TYW1B: variants seen among roughly 807,000 people sequenced by gnomAD.
TYW1B encodes S-adenosyl-L-methionine-dependent tRNA 4-demethylwyosine synthase TYW1B.
Under a neutral mutation model 86.9 loss-of-function variants are expected in TYW1B, and 73 were observed. The ratio of observed to expected loss-of-function variants is 0.84; its 90% CI spans 0.70 to 1.02. TYW1B has a LOEUF of 1.02. Among genes scored for constraint, TYW1B ranks in the 50% least tolerant of loss-of-function variants. The probability of loss-of-function intolerance (pLI) is 0.00; values close to 1 mark genes in which losing one functional copy is unlikely to be tolerated. For missense variants in TYW1B, 637 were observed against 827.4 expected (o/e 0.77, Z 2.82); for synonymous variants, 248 against 292.8 (o/e 0.85, Z 1.56).
At chr7:72,589,464 G>GA (rs1554431037) in intron 13 of TYW1B, among the ~76,000 whole-genome samples, 1 of 152,188 alleles carries the variant, frequency 6.6e-6, no homozygotes, top group African/African-American at 2.4e-5. Flanking sequence ...GTTTTGGGGA[G>GA]AAAAAAGAAG....
At chr7:72,661,430 G>C (rs1202919263) in intron 11 of TYW1B, among the ~76,000 whole-genome samples, 1 of 151,282 alleles carries the variant, frequency 6.6e-6, no homozygotes, top group East Asian at 1.9e-4. Flanking sequence ...GACAAGGCCT[G>C]TATTTACTAT....
intron 6 of TYW1B, among the ~76,000 whole-genome samples, chr7:72,780,723 A>G (rs1788037258): frequency 6.6e-6 from 1 of 152,216 alleles, no homozygotes; most frequent in Non-Finnish European, 1.5e-5. Flanking sequence ...TTGAGCACTC[A>G]GGACAAACAA....
chr7:72,781,841 C>T (rs1289353573), intron 6 of TYW1B, among the ~76,000 whole-genome samples: 25 of 152,186 alleles, frequency 1.6e-4, no homozygotes, highest in Admixed American at 1.6e-3. Flanking sequence ...ACAGGAAAGT[C>T]AATTATGAGC....
chr7:72,635,787 G>A (rs1474861444), intron 11 of TYW1B, among the ~76,000 whole-genome samples: 1 of 152,202 alleles, frequency 6.6e-6, no homozygotes, highest in Non-Finnish European at 1.5e-5. Flanking sequence ...TTTTAAAAAT[G>A]TATTTTAACT....
intron 2 of TYW1B, among the ~76,000 whole-genome samples, chr7:72,819,855 T>C (rs1788795003): frequency 6.6e-6 from 1 of 152,124 alleles, no homozygotes; most frequent in African/African-American, 2.4e-5. Context: ...GAAAAAATGT[T>C]AAAGGCAACT....
intron 11 of TYW1B, among the ~76,000 whole-genome samples, chr7:72,683,349 C>T (rs1426505515): frequency 6.6e-6 from 1 of 152,162 alleles, no homozygotes; most frequent in Non-Finnish European, 1.5e-5. Context: ...GCAAGTGGAT[C>T]ATTTGAGGTT....
At chr7:72,601,914 G>C (rs1811676638) in intron 13 of TYW1B, among the ~76,000 whole-genome samples, 1 of 152,180 alleles carries the variant, frequency 6.6e-6, no homozygotes, top group Non-Finnish European at 1.5e-5. Context: ...GGGACGAAAA[G>C]AGGAAGTGCA....
intron 13 of TYW1B, among the ~76,000 whole-genome samples, chr7:72,598,597 A>T (rs1314192183): frequency 5.9e-5 from 9 of 152,244 alleles, no homozygotes; most frequent in Admixed American, 5.9e-4. Flanking sequence ...TGGAAGAAAC[A>T]TGAAGAAAAA....
intron 10 of TYW1B, among the ~76,000 whole-genome samples, chr7:72,700,419 T>G (rs1456412068): frequency 6.6e-6 from 1 of 152,126 alleles, no homozygotes; most frequent in Non-Finnish European, 1.5e-5. Flanking sequence ...GTGATCCACC[T>G]GCCTCAGCCT....
chr7:72,709,783 C>T (rs1371104368), intron 10 of TYW1B, among the ~76,000 whole-genome samples: 1 of 152,190 alleles, frequency 6.6e-6, no homozygotes, highest in Admixed American at 6.5e-5. Context: ...TTTTCAGGAT[C>T]GGAGAAATTT....
In TYW1B at chr7:72,810,612, T is replaced by C. The variant is rs1788591510; in HGVS notation, c.291A>G (p.Leu97=). 3 of 1,613,804 alleles carry C rather than the reference T, an allele frequency of 1.9e-6. No individual in the cohort carries two copies. The highest frequency in any genetic ancestry group is 2.5e-6 in the Non-Finnish European group (3 of 1,179,856). ...VFLVATYTDG[L]PTESAEWFCK... is the part of the protein sequence containing the mutation. The stretch of plus-strand genomic sequence containing the variant: ...AGAACCACTCTGCACTTTCGGTTGG[T>C]AGGCCGTCAGTGTATGTCGCAACCA... The change falls in exon 4 of 14, where the codon CTA becomes CTG. Residue 97 remains leucine, a synonymous_variant. Transcript: ENST00000620995.
chr7:72,767,072 C>T (rs1268749981), intron 7 of TYW1B, among the ~76,000 whole-genome samples: 2 of 151,780 alleles, frequency 1.3e-5, no homozygotes, highest in Non-Finnish European at 2.9e-5. Context: ...CAGGGAAGAC[C>T]ATGAGGAGAG....
intron 7 of TYW1B, among the ~76,000 whole-genome samples, chr7:72,747,539 T>C (rs1481944383): frequency 6.6e-6 from 1 of 152,222 alleles, no homozygotes; most frequent in African/African-American, 2.4e-5. Context: ...TTGATTTATG[T>C]CTATCTCTCT....
At chr7:72,710,248 G>A (rs1244537282) in intron 10 of TYW1B, among the ~76,000 whole-genome samples, 9 of 151,970 alleles carry the variant, frequency 5.9e-5, no homozygotes, top group African/African-American at 1.9e-4. Flanking sequence ...TTTAATTTAA[G>A]ACAGACTCCC....
At chr7:72,609,464 CAGG>C (rs1228630980) in intron 13 of TYW1B, among the ~76,000 whole-genome samples, 1 of 152,024 alleles carries the variant, frequency 6.6e-6, no homozygotes, top group Non-Finnish European at 1.5e-5. Flanking sequence ...GAGGCTTAAG[CAGG>C]AGGACTGCTT....
At chr7:72,575,749 A>G (rs782641479) in intron 13 of TYW1B, 30 bp from the exon 14 acceptor site, 87 of 1,585,828 alleles carry the variant, frequency 5.5e-5, no homozygotes, top group Non-Finnish European at 6.9e-5. Context: ...TCAAGTCAGA[A>G]GTAAAAACAT....
At chr7:72,722,377 T>C (rs1786920838) in intron 9 of TYW1B, among the ~76,000 whole-genome samples, 1 of 152,214 alleles carries the variant, frequency 6.6e-6, no homozygotes, top group Non-Finnish European at 1.5e-5. Flanking sequence ...CACTTGATGT[T>C]TGCTGAACGA....
intron 13 of TYW1B, among the ~76,000 whole-genome samples, chr7:72,579,903 G>T (rs1278173089): frequency 1.3e-5 from 2 of 152,058 alleles, no homozygotes; most frequent in Non-Finnish European, 2.9e-5. Context: ...CTCCCACCTT[G>T]ATCTCCCAAA....
intron 7 of TYW1B, among the ~76,000 whole-genome samples, chr7:72,776,678 T>G (rs1469396788): frequency 8.8e-6 from 1 of 113,962 alleles, no homozygotes; most frequent in African/African-American, 3.1e-5. Context: ...AATGAATTAA[T>G]TTGAAAGAAC....
Sources: gnomAD v4.1 joint callset for allele counts (sites outside exome capture counted in the v4.1 genomes callset) on GRCh38, gnomAD v4.1.1 for gene constraint, MANE v1.5 for transcripts, NCBI Gene and HGNC (gene_info 2026-07-23, HGNC 2026-07-21) for gene names.